Variants in NAPA observed in about 807,000 individuals in gnomAD.
NAPA encodes the protein NSF attachment protein alpha, also known as alpha-soluble NSF attachment protein.
NAPA carries 18 observed loss-of-function variants against 48.0 expected under a neutral mutation model. The ratio of observed to expected loss-of-function variants is 0.38; its 90% CI spans 0.26 to 0.56. NAPA has a LOEUF of 0.56. Among genes scored for constraint, NAPA ranks in the 20% least tolerant of loss-of-function variants. The probability of loss-of-function intolerance (pLI) is 0.77; values close to 1 mark genes in which losing one functional copy is unlikely to be tolerated. For synonymous variants in NAPA, 152 were observed against 149.9 expected (o/e 1.01, Z -0.10); for missense variants, 315 against 385.0 (o/e 0.82, Z 1.52).
chr19:47,499,051 G>A (rs73570331), intron 3 of NAPA, among the ~76,000 whole-genome samples: 1,943 of 152,242 alleles, frequency 0.013, 41 homozygotes, highest in African/African-American at 0.043. Flanking sequence ...CTTTCCTACC[G>A]GTCGGAGTCC....
In NAPA at chr19:47,495,672, C is replaced by T. The variant is rs551964248; in HGVS notation, c.296-76G>A. 386 of 1,432,596 alleles carry T rather than the reference C, an allele frequency of 2.7e-4. 1 individual carries two copies. The highest frequency in any genetic ancestry group is 7.5e-5 in the Non-Finnish European group (76 of 1,016,584). The allele number at this position is 1,432,596 out of a possible 1,614,324, so 88.7% of individuals were successfully genotyped here. ...GCAGAAGCTGAGGAGAGGAGGCGGA[C>T]GCAGGCGCACCTGGCTGCCAGCAGA... On this transcript the variant is annotated intron_variant, in intron 3 of 10. Coordinates refer to ENST00000263354, the MANE Select transcript of NAPA (RefSeq NM_003827.4).
chr19:47,505,213 C>T (rs1168315125), intron 1 of NAPA: 1 of 152,212 alleles, frequency 6.6e-6, no homozygotes, highest in Non-Finnish European at 1.5e-5. Flanking sequence ...GGCCTCTCTT[C>T]ACTGGCATAA....
intron 2 of NAPA, among the ~76,000 whole-genome samples, chr19:47,502,878 T>C (rs758188540): frequency 2.0e-5 from 3 of 152,234 alleles, no homozygotes; most frequent in Non-Finnish European, 4.4e-5. Flanking sequence ...TTCTGAATCT[T>C]GGTTCTGTCA....
intron 2 of NAPA, 35 bp from the exon 3 acceptor site, chr19:47,500,784 T>G (rs758483867): frequency 2.6e-6 from 4 of 1,511,174 alleles, no homozygotes; most frequent in Non-Finnish European, 3.6e-6. Flanking sequence ...CTGGCCTCAG[T>G]GGGGCTCCAC....
At chr19:47,504,636 A>AATATATACATATAT (rs1320141595) in intron 1 of NAPA, among the ~76,000 whole-genome samples, 1 of 151,936 alleles carries the variant, frequency 6.6e-6, no homozygotes, top group African/African-American at 2.4e-5. Flanking sequence ...CGAGAAAAAA[A>AATATATACATATAT]ATATATACAT....
At chr19:47,500,989 G>A (rs1381623672) in intron 2 of NAPA, among the ~76,000 whole-genome samples, 3 of 152,218 alleles carry the variant, frequency 2.0e-5, no homozygotes. Flanking sequence ...GACAGTCTCT[G>A]AGGGCGGCAG....
chr19:47,485,158 C>G (rs374595576), downstream of NAPA, among the ~76,000 whole-genome samples: 33 of 152,272 alleles, frequency 2.2e-4, 1 homozygote, highest in Middle Eastern at 6.8e-3. Flanking sequence ...TACAACTGTT[C>G]TGCAAGGGCC....
At chr19:47,489,831 G>A in intron 9 of NAPA, 70 bp from the exon 10 acceptor site, 1 of 1,535,568 alleles carries the variant, frequency 6.5e-7, no homozygotes, top group African/African-American at 1.4e-5. Flanking sequence ...TTAGATGAAA[G>A]GACACGCTAT....
chr19:47,492,522 T>C (rs1968299568), intron 7 of NAPA: 1 of 382,430 alleles, frequency 2.6e-6, no homozygotes, highest in East Asian at 6.3e-5. Context: ...CCTGCCTTTT[T>C]CTCGGCCATC....
At position 47,487,642 on chromosome 19, in the gene NAPA, CAA is replaced by C; in HGVS notation, c.*644_*645del. The C allele has an allele frequency of 6.6e-6, 1 of 152,406 alleles. No individual in the cohort carries two copies. The allele number at this position is 152,406 out of a possible 1,614,324, so 9.4% of individuals were successfully genotyped here. A position where few individuals can be genotyped will look rare whatever the true frequency, so the allele number is the denominator to read the frequency against. On this transcript the variant is annotated 3_prime_UTR_variant, in exon 11 of 11. Coordinates refer to ENST00000263354, the MANE Select transcript of NAPA (RefSeq NM_003827.4). ...AGGTGAGGAGGAAGAGAGACTCATG[CAA>C]AAGTGTTGTTTTTTATTTTCTTTCT...
chr19:47,488,299 C>A lies in NAPA; in HGVS notation c.877G>T (p.Asp293Tyr), dbSNP rs755916182. 16 of 1,612,938 alleles carry A rather than the reference C, an allele frequency of 9.9e-6. No homozygotes were observed. Among genetic ancestry groups the A allele is most frequent in the Non-Finnish European group, 1.4e-5 (16 of 1,179,308 alleles). ...IKKTIQGDEE[D>Y]LR Reference sequence around the variant, plus strand: ...GGGCTGGGTGGGGCTTAGCGCAGGTCCTCCTCATCGCCCTGGATGGTCTTC... The same window carrying A: ...GGGCTGGGTGGGGCTTAGCGCAGGTACTCCTCATCGCCCTGGATGGTCTTC... Residue 293 changes from aspartate (D) to tyrosine (Y), a missense_variant, in exon 11 of 11, where the codon GAC becomes TAC. Coordinates refer to ENST00000263354, the MANE Select transcript of NAPA (RefSeq NM_003827.4).
intron 9 of NAPA, among the ~76,000 whole-genome samples, chr19:47,490,333 AT>A (rs1968215303): frequency 8.8e-6 from 1 of 114,010 alleles, no homozygotes; most frequent in Non-Finnish European, 1.8e-5. Context: ...TGTGTGCGAT[AT>A]GTGTGGTGTG....
chr19:47,500,009 A>C (rs774688692), intron 3 of NAPA, among the ~76,000 whole-genome samples: 1 of 152,246 alleles, frequency 6.6e-6, no homozygotes, highest in South Asian at 2.1e-4. Flanking sequence ...ACATGCAAGC[A>C]AACACTGGGC....
At chr19:47,507,142 C>T (rs1389069021) in intron 1 of NAPA, among the ~76,000 whole-genome samples, 1 of 152,100 alleles carries the variant, frequency 6.6e-6, no homozygotes, top group Admixed American at 6.6e-5. Context: ...CTTCACTCCT[C>T]CCATCCCACG....
intron 1 of NAPA, among the ~76,000 whole-genome samples, chr19:47,505,011 G>T (rs1263215264): frequency 2.0e-5 from 3 of 152,142 alleles, no homozygotes; most frequent in African/African-American, 7.2e-5. Flanking sequence ...TACATAATGA[G>T]CCTCCTCTTG....
intron 10 of NAPA, 189 bp from the exon 11 acceptor site, chr19:47,488,578 G>C (rs868773393): frequency 2.3e-6 from 1 of 442,090 alleles, no homozygotes; most frequent in Middle Eastern, 3.7e-4. Flanking sequence ...ACTATGCTGG[G>C]CACATCATTT....
intron 1 of NAPA, 142 bp downstream of exon 1, chr19:47,514,701 C>A (rs1297659094): frequency 2.7e-6 from 2 of 751,758 alleles, no homozygotes; most frequent in Non-Finnish European, 2.2e-6. Context: ...TCCCCTCTGC[C>A]GCCTCAGGCC....
chr19:47,514,012 A>G (rs947793784), intron 1 of NAPA, among the ~76,000 whole-genome samples: 1 of 150,874 alleles, frequency 6.6e-6, no homozygotes, highest in Admixed American at 6.6e-5. Flanking sequence ...CCAGGCCCAG[A>G]TAACTTTTGT....
intron 8 of NAPA, 35 bp downstream of exon 8, chr19:47,491,980 T>A (rs371445254): frequency 6.3e-7 from 1 of 1,577,476 alleles, no homozygotes; most frequent in Non-Finnish European, 8.7e-7. Flanking sequence ...CATGGTGGCC[T>A]GGTGCGGTGG....
Sources: allele counts gnomAD v4.1 joint callset (sites outside exome capture counted in the v4.1 genomes callset), GRCh38; gene constraint gnomAD v4.1.1; transcripts MANE v1.5; gene names NCBI Gene and HGNC (gene_info 2026-07-23, HGNC 2026-07-21).